The following SEC24B variants were observed in gnomAD, a reference collection of about 807,000 sequenced individuals.
SEC24B encodes SEC24 homolog B, COPII component.
Under a neutral mutation model 142.8 loss-of-function variants are expected in SEC24B, and 45 were observed. The observed-to-expected ratio is 0.32, with a 90% CI of 0.25 to 0.40. SEC24B has a LOEUF of 0.40. Among genes scored for constraint, SEC24B ranks in the 10% least tolerant of loss-of-function variants. The pLI, the probability that SEC24B is intolerant of heterozygous loss-of-function variation, is 1.00. For synonymous variants in SEC24B, 574 were observed against 568.2 expected, an observed-to-expected ratio of 1.01 and a Z score of -0.15; for missense variants, 1,409 against 1,526.8, an observed-to-expected ratio of 0.92 and a Z score of 1.29.
intron 18 of SEC24B, among the ~76,000 whole-genome samples, chr4:109,528,138 T>C (rs188462914): frequency 1.6e-4 from 24 of 152,264 alleles, no homozygotes; most frequent in African/African-American, 4.3e-4. Context: ...GGCTCATGCC[T>C]GTAATGAGCT....
chr4:109,453,585 G>T (rs1388570389), intron 1 of SEC24B, among the ~76,000 whole-genome samples: 5 of 151,882 alleles, frequency 3.3e-5, no homozygotes, highest in Admixed American at 6.6e-5. Context: ...AGACTTTAAG[G>T]TTATCTCCCT....
intron 18 of SEC24B, among the ~76,000 whole-genome samples, chr4:109,529,874 C>T (rs552885526): frequency 6.6e-6 from 1 of 152,272 alleles, no homozygotes; most frequent in South Asian, 2.1e-4. Flanking sequence ...GCTGGGACTA[C>T]AGGCACGTGC....
intron 7 of SEC24B, 48 bp from the exon 8 acceptor site, chr4:109,509,960 AT>A (rs1238933002): frequency 2.5e-6 from 3 of 1,179,452 alleles, no homozygotes; most frequent in Non-Finnish European, 3.7e-6. Flanking sequence ...ACTTCAGTGT[AT>A]TTTTCTCTGA....
intron 7 of SEC24B, among the ~76,000 whole-genome samples, chr4:109,507,565 C>T (rs570171433): frequency 5.3e-5 from 8 of 152,038 alleles, no homozygotes; most frequent in South Asian, 2.1e-4. Context: ...TGATCCACCG[C>T]GCTTGGCCAA....
rs929908807 is a variant in SEC24B at position 109,442,300 on chromosome 4, T to C, written c.133+8298T>C. Among the ~76,000 whole-genome samples, 3 of 152,186 alleles carry C rather than the reference T, an allele frequency of 2.0e-5. No individual in the cohort carries two copies. In the East Asian group the frequency reaches 5.8e-4, roughly 29 times the overall value. Reference sequence around the variant, plus strand: ...TTCAGCTGCGGATTATGAGAAGGTTTGGGCTAGCATGGTGGGGTAAAGCAG... The same window carrying C: ...TTCAGCTGCGGATTATGAGAAGGTTCGGGCTAGCATGGTGGGGTAAAGCAG... On this transcript the variant is annotated intron_variant, in intron 1 of 23. Coordinates refer to ENST00000265175, the MANE Select transcript of SEC24B (RefSeq NM_006323.5).
intron 1 of SEC24B, among the ~76,000 whole-genome samples, chr4:109,438,803 T>G (rs1302543510): frequency 1.3e-5 from 2 of 152,232 alleles, no homozygotes; most frequent in Non-Finnish European, 2.9e-5. Context: ...TAAGCTTCCT[T>G]CCTTGGTGTT....
In SEC24B at chr4:109,491,357, C is replaced by T; in HGVS notation, c.1196C>T (p.Ala399Val). 2 of 1,613,686 alleles carry T rather than the reference C, an allele frequency of 1.2e-6. No homozygotes were observed. Among genetic ancestry groups the T allele is most frequent in the Non-Finnish European group, 1.7e-6 (2 of 1,179,668 alleles). ...GACAGCTCTTCTACCACAAGCAGTG[C>T]TTCTCCAATGCCCAACAGTTATGAT... ...GVDSSSTTSS[A>V]SPMPNSYDAL... is the part of the protein sequence containing the mutation. The change falls in exon 5 of 24, where the codon GCT (alanine) becomes GTT (valine). Residue 399 changes from alanine (A) to valine (V), a missense_variant. Around this residue, in one of 2 missense-constraint regions of SEC24B, gnomAD observed 709 missense variants for 673.5 expected, o/e 1.05. Transcript: ENST00000265175.
At chr4:109,532,574 C>CTAAT in intron 20 of SEC24B, 65 bp from the exon 21 acceptor site, 1 of 1,194,710 alleles carries the variant, frequency 8.4e-7, no homozygotes, top group Non-Finnish European at 1.2e-6. Context: ...GGTTAGTGAC[C>CTAAT]ATTAGCTCCC....
chr4:109,532,814 C>T, intron 21 of SEC24B, 71 bp downstream of exon 21: 2 of 742,514 alleles, frequency 2.7e-6, no homozygotes, highest in South Asian at 3.4e-5. Context: ...CTTATAGGGT[C>T]CAGCTGTTAT....
intron 6 of SEC24B, among the ~76,000 whole-genome samples, chr4:109,498,660 G>T (rs564603972): frequency 6.6e-6 from 1 of 152,196 alleles, no homozygotes; most frequent in Non-Finnish European, 1.5e-5. Flanking sequence ...CACCACGCCT[G>T]GCTCATTTAT....
intron 1 of SEC24B, among the ~76,000 whole-genome samples, chr4:109,459,460 T>G (rs758244983): frequency 7.2e-5 from 11 of 152,338 alleles, no homozygotes; most frequent in Non-Finnish European, 1.6e-4. Context: ...TGAATACATG[T>G]TAAAAATGAT....
chr4:109,474,302 C>T (rs542435027), intron 3 of SEC24B, among the ~76,000 whole-genome samples: 1 of 152,122 alleles, frequency 6.6e-6, no homozygotes, highest in Non-Finnish European at 1.5e-5. Context: ...AGATCAAAGC[C>T]CTAACTAAAT....
chr4:109,515,135 C>T (rs1737789399), intron 10 of SEC24B, among the ~76,000 whole-genome samples: 1 of 152,126 alleles, frequency 6.6e-6, no homozygotes, highest in South Asian at 2.1e-4. Context: ...GAGTCACGCT[C>T]TGTCATCCAG....
intron 22 of SEC24B, among the ~76,000 whole-genome samples, chr4:109,537,069 T>G (rs993179394): frequency 6.6e-6 from 1 of 152,176 alleles, no homozygotes; most frequent in Non-Finnish European, 1.5e-5. Flanking sequence ...CTTCCTTACT[T>G]TCTGCCTCCT....
intron 4 of SEC24B, among the ~76,000 whole-genome samples, chr4:109,487,059 G>A (rs1001659583): frequency 6.6e-6 from 1 of 151,698 alleles, no homozygotes; most frequent in African/African-American, 2.4e-5. Flanking sequence ...CAGCTGCTTT[G>A]GAGGCTGAGG....
chr4:109,486,314 T>A (rs995842079), intron 4 of SEC24B, among the ~76,000 whole-genome samples: 1 of 152,106 alleles, frequency 6.6e-6, no homozygotes, highest in Non-Finnish European at 1.5e-5. Flanking sequence ...TATGAGGAAA[T>A]CTCAAATTAT....
At chr4:109,498,526 A>C (rs985000788) in intron 6 of SEC24B, among the ~76,000 whole-genome samples, 1 of 151,948 alleles carries the variant, frequency 6.6e-6, no homozygotes, top group Non-Finnish European at 1.5e-5. Flanking sequence ...CACCATGCCC[A>C]GCTAATTTTT....
rs541739390 is a variant in SEC24B, at chr4:109,438,039, T to C, written c.133+4037T>C. Among the ~76,000 whole-genome samples, 30 of 152,322 alleles carry C rather than the reference T, an allele frequency of 2.0e-4. 2 individuals carry two copies. In the South Asian group the frequency reaches 3.9e-3, roughly 20 times the overall value. On this transcript the variant is annotated intron_variant, in intron 1 of 23. Transcript: ENST00000265175. ...AAATAGAAGTAGAAGTTCAGTTGTTTTTAAGCACAGTTTGAAAAACACATA... is the reference window on the plus strand; with the variant it reads ...AAATAGAAGTAGAAGTTCAGTTGTTCTTAAGCACAGTTTGAAAAACACATA...
At chr4:109,493,192 G>T (rs1012648772) in intron 5 of SEC24B, among the ~76,000 whole-genome samples, 16 of 151,948 alleles carry the variant, frequency 1.1e-4, no homozygotes, top group African/African-American at 3.9e-4. Context: ...CCAGTAAGCT[G>T]ATCCTTGCCT....
Sources: gnomAD v4.1 joint callset for allele counts (sites outside exome capture counted in the v4.1 genomes callset) on GRCh38, gnomAD v4.1.1 for gene constraint, gnomAD v4.1.1 regional missense constraint, MANE v1.5 for transcripts, NCBI Gene and HGNC (gene_info 2026-07-23, HGNC 2026-07-21) for gene names.